ARID1B: variants seen among roughly 807,000 people sequenced by gnomAD.
The protein encoded by ARID1B is AT-rich interactive domain-containing protein 1B.
In ARID1B, 30 loss-of-function variants were observed where a neutral mutation model predicts 212.3. The ratio of observed to expected loss-of-function variants is 0.14; its 90% CI spans 0.11 to 0.19. ARID1B has a LOEUF of 0.19. Among genes scored for constraint, ARID1B ranks in the 10% least tolerant of loss-of-function variants. The probability of loss-of-function intolerance (pLI) is 1.00; values close to 1 mark genes in which losing one functional copy is unlikely to be tolerated. For synonymous variants in ARID1B, 1,402 were observed against 1,301.7 expected, an observed-to-expected ratio of 1.08 and a Z score of -1.66; for missense variants, 2,891 against 3,204.0, an observed-to-expected ratio of 0.90 and a Z score of 2.36.
intron 6 of ARID1B, among the ~76,000 whole-genome samples, chr6:157,127,783 C>CAAAAAAAAAAA (rs61172896): frequency 7.0e-5 from 4 of 56,790 alleles, no homozygotes; most frequent in African/African-American, 1.3e-4. Context: ...GACTCTGTCT[C>CAAAAAAAAAAA]AAAAAAAAAA....
chr6:157,039,849 TC>T, intron 4 of ARID1B, among the ~76,000 whole-genome samples: 2 of 121,048 alleles, frequency 1.7e-5, no homozygotes, highest in Middle Eastern at 3.6e-3. Flanking sequence ...TCTCTCTCTT[TC>T]TCTCTCTTTC....
intron 1 of ARID1B, among the ~76,000 whole-genome samples, chr6:156,799,781 A>G (rs1346434556): frequency 1.3e-5 from 2 of 152,090 alleles, no homozygotes; most frequent in African/African-American, 4.8e-5. Flanking sequence ...CCCGGCCTCA[A>G]ATCATTTGAT....
At chr6:157,092,857 A>G (rs1165448516) in intron 5 of ARID1B, among the ~76,000 whole-genome samples, 1 of 152,128 alleles carries the variant, frequency 6.6e-6, no homozygotes, top group Non-Finnish European at 1.5e-5. Flanking sequence ...GCAGTGACTC[A>G]TGTGTTTTCA....
chr6:156,929,561 T>C (rs573491963), intron 3 of ARID1B, among the ~76,000 whole-genome samples: 4 of 152,256 alleles, frequency 2.6e-5, no homozygotes, highest in Non-Finnish European at 5.9e-5. Context: ...CAAGAAATTA[T>C]TGAGACTACT....
intron 2 of ARID1B, among the ~76,000 whole-genome samples, chr6:156,838,494 G>C (rs1219525332): frequency 1.3e-5 from 2 of 152,082 alleles, no homozygotes; most frequent in South Asian, 2.1e-4. Flanking sequence ...AGCCTGAGCT[G>C]CCAACGATAG....
intron 4 of ARID1B, among the ~76,000 whole-genome samples, chr6:156,975,617 T>TTC (rs1777181829): frequency 6.7e-6 from 1 of 149,772 alleles, no homozygotes. Context: ...TTTTTTCTTT[T>TTC]TTTTTTTTTT....
At chr6:157,064,322 A>T (rs1305179022) in intron 4 of ARID1B, among the ~76,000 whole-genome samples, 27 of 152,164 alleles carry the variant, frequency 1.8e-4, no homozygotes, top group Admixed American at 1.8e-3. Flanking sequence ...GAACAGGAAT[A>T]CTTGTTTTTC....
chr6:156,831,604 TA>T (rs769089574), intron 2 of ARID1B, among the ~76,000 whole-genome samples: 2 of 152,222 alleles, frequency 1.3e-5, no homozygotes, highest in Non-Finnish European at 2.9e-5. Flanking sequence ...TCTAAATGTG[TA>T]AAGCTAAAAG....
At chr6:157,205,068 T>G (rs535462299) in intron 19 of ARID1B, 1 of 152,242 alleles carries the variant, frequency 6.6e-6, no homozygotes, top group Non-Finnish European at 1.5e-5. Flanking sequence ...TTCATCCTTA[T>G]GTTAGGTGAA....
chr6:156,914,151 G>A (rs1265273210), intron 3 of ARID1B, among the ~76,000 whole-genome samples: 24 of 73,132 alleles, frequency 3.3e-4, no homozygotes, highest in South Asian at 9.5e-4. Flanking sequence ...AACTGCCAGC[G>A]CCACCCCAGC....
At chr6:156,854,314 C>T (rs1243717411) in intron 2 of ARID1B, among the ~76,000 whole-genome samples, 1 of 152,166 alleles carries the variant, frequency 6.6e-6, no homozygotes, top group African/African-American at 2.4e-5. Flanking sequence ...GCTTGAAAGG[C>T]TGTTTTCCTT....
chr6:156,838,658 T>C (rs116974638), intron 2 of ARID1B, among the ~76,000 whole-genome samples: 210 of 151,698 alleles, frequency 1.4e-3, no homozygotes, highest in Non-Finnish European at 2.5e-3. Flanking sequence ...GGCACATGTA[T>C]ACCTATGTAA....
rs112983063 is a variant in ARID1B, at chr6:157,017,963, CA to C, written c.2248-66680del. On this transcript the variant is annotated intron_variant, in intron 4 of 19. Coordinates refer to ENST00000636930, the MANE Select transcript of ARID1B (RefSeq NM_001374828.1). ...TGGGCAACATGAGACACCATCTCTA[CA>C]AAAAAAAAAAAAAAAAAATTAGCTG... Among the ~76,000 whole-genome samples the C allele has an allele frequency of 6.3e-4, 61 of 97,318 alleles. 1 individual carries two copies. The highest frequency in any genetic ancestry group is 9.9e-4 in the Admixed American group (8 of 8,100). 63.8% of individuals were successfully genotyped at this position (97,318 alleles called of 152,430 possible).
In ARID1B at chr6:157,096,678, A is replaced by G. The variant is rs554811136; in HGVS notation, c.2491+11773A>G. Among the ~76,000 whole-genome samples, 4 of 152,266 alleles carry G rather than the reference A, an allele frequency of 2.6e-5. No homozygotes were observed. In the East Asian group the frequency reaches 7.7e-4, roughly 29 times the overall value. On this transcript the variant is annotated intron_variant, in intron 5 of 19. Coordinates refer to ENST00000636930, the MANE Select transcript of ARID1B (RefSeq NM_001374828.1). The stretch of plus-strand genomic sequence containing the variant: ...CCCAGGCTGGCACTGCCTCTGGCAG[A>G]GTTTACTCCTGAGCTGCGGGGTCCC...
intron 7 of ARID1B, among the ~76,000 whole-genome samples, chr6:157,136,560 C>CA (rs1308532195): frequency 6.6e-6 from 1 of 152,128 alleles, no homozygotes; most frequent in African/African-American, 2.4e-5. Flanking sequence ...GGCATGGAAA[C>CA]ATATATATAA....
intron 4 of ARID1B, chr6:156,942,373 G>A (rs1792740279): frequency 6.6e-6 from 1 of 152,220 alleles, no homozygotes; most frequent in African/African-American, 2.4e-5. Flanking sequence ...GGCAGGCTTT[G>A]ACCAGCTTGC....
rs894239517 is a variant in ARID1B, at chr6:156,935,894, G to A, written c.2247+318G>A. On this transcript the variant is annotated intron_variant, in intron 4 of 19. Transcript: ENST00000636930. ...CTTTAGGCTGTTGCTTTTTGGCAGC[G>A]ATACAGAACAGAGGTGTCCTTAGAG... 2.5e-5 allele frequency: 7 copies of A among 281,292 alleles called. 1 individual carries two copies. Among genetic ancestry groups the A allele is most frequent in the Non-Finnish European group, 4.7e-5 (7 of 148,044 alleles). The allele number at this position is 281,292 out of a possible 1,614,324, so 17.4% of individuals were successfully genotyped here.
intron 3 of ARID1B, among the ~76,000 whole-genome samples, chr6:156,912,912 A>G (rs1223875262): frequency 6.6e-6 from 1 of 152,076 alleles, no homozygotes; most frequent in East Asian, 1.9e-4. Context: ...CGAAACCACA[A>G]GCCTGTTTTT....
chr6:157,195,956 G>T (rs929935050), intron 15 of ARID1B: 14 of 490,530 alleles, frequency 2.9e-5, no homozygotes, highest in Non-Finnish European at 3.5e-6. Flanking sequence ...AGCTACTTGG[G>T]AGGGTGACGC....
Sources: gnomAD v4.1 joint callset for allele counts (sites outside exome capture counted in the v4.1 genomes callset) on GRCh38, gnomAD v4.1.1 for gene constraint, MANE v1.5 for transcripts, NCBI Gene and HGNC (gene_info 2026-07-23, HGNC 2026-07-21) for gene names.